FHIP2A: variants seen among roughly 807,000 people sequenced by gnomAD.
The protein encoded by FHIP2A is FHF complex subunit HOOK interacting protein 2A.
A neutral mutation model predicts 93.5 loss-of-function variants in FHIP2A; 46 were observed. The ratio of observed to expected loss-of-function variants is 0.49; its 90% CI spans 0.39 to 0.63. The LOEUF is 0.63. FHIP2A is among the 20% of genes least tolerant of loss of function. The probability of loss-of-function intolerance (pLI) is 0.00; values close to 1 mark genes in which losing one functional copy is unlikely to be tolerated. For missense variants in FHIP2A, 769 were observed against 909.7 expected, an observed-to-expected ratio of 0.85 and a Z score of 1.99; for synonymous variants, 332 against 326.5, an observed-to-expected ratio of 1.02 and a Z score of -0.18.
Position 114,861,535 on chromosome 10 carries a change from C to G in FHIP2A, c.2293C>G (p.Pro765Ala), listed in dbSNP as rs2083799851. 2.5e-6 allele frequency: 4 copies of G among 1,613,120 alleles called. No individual in the cohort carries two copies. Among genetic ancestry groups the G allele is most frequent in the Non-Finnish European group, 3.4e-6 (4 of 1,179,900 alleles). The change falls in exon 17 of 17, where the codon CCA (proline) becomes GCA (alanine). Residue 765 changes from proline (P) to alanine (A), a missense_variant. Transcript: ENST00000369248. ...TGTAAAATATCATGCTTCCTCCACA[C>G]CATAAATAACATCTTTCATGTAACT... ...AFVKYHASST[P>A]
Position 114,843,772 on chromosome 10 carries a change from G to C in FHIP2A, c.848G>C (p.Gly283Ala). 6.4e-7 allele frequency: 1 copy of C among 1,572,220 alleles called. No individual in the cohort carries two copies. The change falls in exon 7 of 17, where the codon GGC becomes GCC. Residue 283 changes from glycine to alanine, a missense_variant. By Grantham distance (60) the Gly-to-Ala change is moderately conservative. Transcript: ENST00000369248. Reference sequence around the variant, plus strand: ...AGAATAGCTGTGAAGGCATGTGAAGGCTTGATGCTGTTAGTAAGTTTGCCA... The same window carrying C: ...AGAATAGCTGTGAAGGCATGTGAAGCCTTGATGCTGTTAGTAAGTTTGCCA... The part of the protein sequence containing the change: ...DGRIAVKACE[G>A]LMLLVSLPEP...
chr10:114,845,893 A>C (rs971256729), intron 8 of FHIP2A, 120 bp from the exon 9 acceptor site: 3 of 736,704 alleles, frequency 4.1e-6, no homozygotes, highest in Admixed American at 2.6e-5. Context: ...TAAGAGGGTC[A>C]TTAGGCAAGT....
chr10:114,869,775 C>T (rs79344133), intron 16 of FHIP2A, among the ~76,000 whole-genome samples: 1,593 of 152,172 alleles, frequency 0.01, 22 homozygotes, highest in African/African-American at 0.036. Context: ...TAAATGCAAA[C>T]GTGCATAGCA....
At chr10:114,822,410 C>T (rs1169457430) in intron 1 of FHIP2A, among the ~76,000 whole-genome samples, 5 of 152,038 alleles carry the variant, frequency 3.3e-5, no homozygotes, top group Admixed American at 2.0e-4. Flanking sequence ...GACCTGGCCG[C>T]CCAACGCCGC....
rs2084016220 is a variant in FHIP2A, at chr10:114,899,438, A to T, written c.2193-52A>T. ...ATCCGTATGCTCAGGCTACATCCTCAGGGATCAGCCGTCTTACCTTCATTT... is the reference window on the plus strand; with the variant it reads ...ATCCGTATGCTCAGGCTACATCCTCTGGGATCAGCCGTCTTACCTTCATTT... On this transcript the variant is annotated intron_variant, in intron 16 of 16. Coordinates refer to the FHIP2A transcript ENST00000369250. The T allele has an allele frequency of 1.3e-5, 9 of 718,056 alleles. No individual in the cohort carries two copies. The East Asian group carries it at 2.1e-4, about 17-fold the overall frequency. The allele number at this position is 718,056 out of a possible 1,614,324, so 44.5% of individuals were successfully genotyped here.
At chr10:114,824,222 C>A (rs1447328113) in intron 1 of FHIP2A, among the ~76,000 whole-genome samples, 1 of 152,184 alleles carries the variant, frequency 6.6e-6, no homozygotes, top group Non-Finnish European at 1.5e-5. Flanking sequence ...CTTTACCCAT[C>A]AGGCTAGTAT....
At chr10:114,890,687 AGTATATAAAATATATAC>A (rs2083967792) in intron 16 of FHIP2A, among the ~76,000 whole-genome samples, 1 of 140,352 alleles carries the variant, frequency 7.1e-6, no homozygotes, top group Admixed American at 6.9e-5. Flanking sequence ...TATGACATAT[AGTATATAAAATATATAC>A]CGTATATGAC....
rs77786368 is a variant in FHIP2A, at chr10:114,875,910, G to GAGAAAGAAAGAAAGAA, written c.2192+14584_2192+14599dup. 5.0e-4 allele frequency among the ~76,000 whole-genome samples: 37 copies of GAGAAAGAAAGAAAGAA among 74,730 alleles called. 1 individual carries two copies. Among genetic ancestry groups the GAGAAAGAAAGAAAGAA allele is most frequent in the Non-Finnish European group, 1.1e-3 (35 of 32,880 alleles). 49.0% of individuals were successfully genotyped at this position (74,730 alleles called of 152,430 possible). ...AAAGAGAGAGAAAGAAATAAAGAAAGAGAAAGAAAGAAAGAAAGAAAGAGA... is the reference window on the plus strand; with the variant it reads ...AAAGAGAGAGAAAGAAATAAAGAAAGAGAAAGAAAGAAAGAAAGAAAGAAAGAAAGAAAGAAAGAGA... On this transcript the variant is annotated intron_variant, in intron 16 of 16. Coordinates refer to the FHIP2A transcript ENST00000369250.
At chr10:114,877,047 C>T (rs2083893081) in intron 16 of FHIP2A, among the ~76,000 whole-genome samples, 1 of 152,176 alleles carries the variant, frequency 6.6e-6, no homozygotes, top group Non-Finnish European at 1.5e-5. Flanking sequence ...GTTAAGAACA[C>T]GTCTGAAGTT....
intron 11 of FHIP2A, 21 bp downstream of exon 11, chr10:114,846,749 G>A (rs755327828): frequency 2.4e-5 from 37 of 1,566,400 alleles, no homozygotes; most frequent in Middle Eastern, 1.7e-4. Context: ...ATCCAACTCC[G>A]TGAGTTCAGC....
intron 1 of FHIP2A, among the ~76,000 whole-genome samples, chr10:114,823,416 A>T (rs2083552363): frequency 6.6e-6 from 1 of 152,194 alleles, no homozygotes; most frequent in African/African-American, 2.4e-5. Context: ...TTGTTGAAAG[A>T]ATTTAACTGC....
At chr10:114,894,709 G>T (rs1464069767) in intron 16 of FHIP2A, among the ~76,000 whole-genome samples, 2 of 152,134 alleles carry the variant, frequency 1.3e-5, no homozygotes, top group Non-Finnish European at 2.9e-5. Flanking sequence ...TATTAGTGGG[G>T]ACTATCAATG....
intron 2 of FHIP2A, among the ~76,000 whole-genome samples, 176 bp downstream of exon 2, chr10:114,831,106 C>T (rs2083605097): frequency 6.6e-6 from 1 of 152,152 alleles, no homozygotes; most frequent in Non-Finnish European, 1.5e-5. Context: ...TGTTGAGCAC[C>T]TACTACTGTG....
chr10:114,881,283 C>G (rs551854990), intron 16 of FHIP2A, among the ~76,000 whole-genome samples: 21 of 152,296 alleles, frequency 1.4e-4, no homozygotes, highest in Non-Finnish European at 2.9e-4. Flanking sequence ...AGGTCACAGC[C>G]TTTTGGAGAG....
chr10:114,843,735 C>A lies in FHIP2A; in HGVS notation c.817-6C>A. 1.3e-6 allele frequency: 2 copies of A among 1,494,544 alleles called. No homozygotes were observed. The highest frequency in any genetic ancestry group is 2.4e-5 in the East Asian group (1 of 41,686). 92.6% of individuals were successfully genotyped at this position (1,494,544 alleles called of 1,614,324 possible). ...AGAATTGAAGGGGGATTTTTTTTTC[C>A]TTTAGGATGGCAGAATAGCTGTGAA... On this transcript the variant is annotated splice_polypyrimidine_tract_variant and splice_region_variant and intron_variant, in intron 6 of 16. Transcript: ENST00000369248.
intron 1 of FHIP2A, among the ~76,000 whole-genome samples, chr10:114,823,151 C>T (rs2083548533): frequency 6.6e-6 from 1 of 152,168 alleles, no homozygotes; most frequent in South Asian, 2.1e-4. Context: ...ATGTCAGATA[C>T]AACAATGATT....
intron 2 of FHIP2A, among the ~76,000 whole-genome samples, chr10:114,832,097 T>A (rs1429763909): frequency 1.3e-5 from 2 of 152,206 alleles, no homozygotes; most frequent in Non-Finnish European, 2.9e-5. Context: ...CACTTCCTAA[T>A]GTATTTTGTA....
At chr10:114,842,701 T>A (rs1456855127) in intron 5 of FHIP2A, among the ~76,000 whole-genome samples, 2 of 152,204 alleles carry the variant, frequency 1.3e-5, no homozygotes, top group Non-Finnish European at 2.9e-5. Flanking sequence ...TCATTGCTTA[T>A]GGTCAGTGTA....
chr10:114,842,194 A>G (rs1466797877), intron 5 of FHIP2A, among the ~76,000 whole-genome samples: 2 of 152,188 alleles, frequency 1.3e-5, no homozygotes, highest in East Asian at 3.9e-4. Flanking sequence ...CCCAAGGCCT[A>G]GGACCATAGG....
Sources: allele counts gnomAD v4.1 joint callset (sites outside exome capture counted in the v4.1 genomes callset), GRCh38; gene constraint gnomAD v4.1.1; transcripts MANE v1.5; gene names NCBI Gene and HGNC (gene_info 2026-07-23, HGNC 2026-07-21).